Variants in RGL1 observed in about 807,000 individuals in gnomAD.
RGL1 encodes ral guanine nucleotide dissociation stimulator-like 1.
A neutral mutation model predicts 95.2 loss-of-function variants in RGL1; 24 were observed. That is an observed-to-expected ratio of 0.25 (90% CI 0.18 to 0.35). The LOEUF is 0.35. Among genes scored for constraint, RGL1 ranks in the 10% least tolerant of loss-of-function variants. The pLI, the probability that RGL1 is intolerant of heterozygous loss-of-function variation, is 1.00. For synonymous variants in RGL1, 329 were observed against 344.9 expected, an observed-to-expected ratio of 0.95 and a Z score of 0.51; for missense variants, 715 against 936.3, an observed-to-expected ratio of 0.76 and a Z score of 3.08.
chr1:183,737,944 A>G (rs982194459), intron 1 of RGL1, among the ~76,000 whole-genome samples: 11 of 152,326 alleles, frequency 7.2e-5, no homozygotes, highest in African/African-American at 2.6e-4. Flanking sequence ...AAATTCTTCA[A>G]AATTGATTTC....
At chr1:183,744,865 A>G (rs927268169) in intron 2 of RGL1, among the ~76,000 whole-genome samples, 7 of 152,218 alleles carry the variant, frequency 4.6e-5, no homozygotes, top group African/African-American at 1.4e-4. Flanking sequence ...CCTCGTGAAC[A>G]TATGCTAGAG....
chr1:183,712,395 G>A lies in RGL1; in HGVS notation c.-32-29731G>A, dbSNP rs1412588850. ...TTGTAAGCGATTCATTTTTAGTTCA[G>A]CTGCAATAACTCCTGCTGGTGATTT... is the stretch of plus-strand genomic sequence containing the variant. On this transcript the variant is annotated intron_variant, in intron 1 of 18. Transcript: ENST00000304685. Among the ~76,000 whole-genome samples, 4 of 152,328 alleles carry A rather than the reference G, an allele frequency of 2.6e-5. No individual in the cohort carries two copies. In the East Asian group the frequency reaches 7.7e-4, roughly 29 times the overall value.
At chr1:183,776,468 G>A (rs527814279) in intron 2 of RGL1, among the ~76,000 whole-genome samples, 1 of 151,742 alleles carries the variant, frequency 6.6e-6, no homozygotes, top group African/African-American at 2.4e-5. Context: ...TTTAAAACAT[G>A]TGATCAGAGC....
chr1:183,838,975 T>G (rs1663850795), intron 2 of RGL1, among the ~76,000 whole-genome samples: 1 of 152,164 alleles, frequency 6.6e-6, no homozygotes, highest in Non-Finnish European at 1.5e-5. Flanking sequence ...CCTTGATATG[T>G]TTGTATAATT....
intron 2 of RGL1, among the ~76,000 whole-genome samples, chr1:183,759,812 C>T (rs1197440688): frequency 6.6e-6 from 1 of 152,178 alleles, no homozygotes; most frequent in Non-Finnish European, 1.5e-5. Flanking sequence ...AAGGTGGATA[C>T]TGAGGATATT....
intron 17 of RGL1, among the ~76,000 whole-genome samples, chr1:183,924,098 C>T (rs1053997341): frequency 1.9e-4 from 29 of 152,078 alleles, no homozygotes; most frequent in Non-Finnish European, 4.4e-5. Flanking sequence ...GCCATTTGAC[C>T]CAGCAATCCC....
rs1338563453 is a variant in RGL1, at chr1:183,900,256, T to C, written c.1317+20T>C. 6.3e-7 allele frequency: 1 copy of C among 1,599,342 alleles called. No homozygotes were observed. Among genetic ancestry groups the C allele is most frequent in the Admixed American group, 1.7e-5 (1 of 59,976 alleles). On this transcript the variant is annotated intron_variant, in intron 11 of 17. Coordinates refer to ENST00000360851, the MANE Select transcript of RGL1 (RefSeq NM_001297671.3). The stretch of plus-strand genomic sequence containing the variant: ...ATCGAGGTGAGTTCCATGTGGGTGG[T>C]GTGATCGGGCCTGCAGCCTTCCCAC...
intron 1 of RGL1, among the ~76,000 whole-genome samples, chr1:183,739,689 A>C (rs1048136021): frequency 1.6e-4 from 24 of 152,230 alleles, no homozygotes; most frequent in African/African-American, 5.5e-4. Flanking sequence ...GAATGCTTGA[A>C]GAGCCTTGTA....
At chr1:183,768,471 T>TC (rs1286873645) in intron 2 of RGL1, among the ~76,000 whole-genome samples, 2 of 144,112 alleles carry the variant, frequency 1.4e-5, no homozygotes, top group Admixed American at 7.0e-5. Flanking sequence ...CTTTTTTTTT[T>TC]TTTTTTTTTT....
intron 2 of RGL1, among the ~76,000 whole-genome samples, chr1:183,828,419 C>T (rs1466309370): frequency 6.6e-6 from 1 of 152,118 alleles, no homozygotes; most frequent in Non-Finnish European, 1.5e-5. Flanking sequence ...GTCTTAACTA[C>T]TTGGCATGTG....
chr1:183,867,055 C>T (rs1038798129), intron 4 of RGL1, among the ~76,000 whole-genome samples: 1 of 152,044 alleles, frequency 6.6e-6, no homozygotes, highest in Non-Finnish European at 1.5e-5. Flanking sequence ...TAAGGAAGAT[C>T]GAGGGAGCAG....
chr1:183,724,925 G>A lies in RGL1; in HGVS notation c.-32-17201G>A, dbSNP rs559443869. ...ACAGTCCCAGTGGTAGTGGCCACAGGGGTGGTTGTGTCATCTCTCCCCCAG... is the reference window on the plus strand; with the variant it reads ...ACAGTCCCAGTGGTAGTGGCCACAGAGGTGGTTGTGTCATCTCTCCCCCAG... On this transcript the variant is annotated intron_variant, in intron 1 of 18. Coordinates refer to the RGL1 transcript ENST00000304685. This position sits in a 1 kb window ranked among gnomAD's most constrained non-coding sequence, Gnocchi z 4.1. 2.8e-4 allele frequency among the ~76,000 whole-genome samples: 42 copies of A among 151,820 alleles called. No homozygotes were observed. The highest frequency in any genetic ancestry group is 9.9e-4 in the African/African-American group (41 of 41,416).
rs370220429 is a variant in RGL1 at position 183,880,811 on chromosome 1, G to A, written c.610+11G>A. 9.9e-6 allele frequency: 16 copies of A among 1,611,868 alleles called. No homozygotes were observed. Among genetic ancestry groups the A allele is most frequent in the African/African-American group, 5.3e-5 (4 of 74,848 alleles). On this transcript the variant is annotated intron_variant, in intron 5 of 17. Coordinates refer to ENST00000360851, the MANE Select transcript of RGL1 (RefSeq NM_001297671.3). ...AAGTGGAAACTGACAGTGAGTACTT[G>A]TTTGTTCCCAGGGAAAAGGCTAGAT... is the stretch of plus-strand genomic sequence containing the variant.
At chr1:183,683,478 T>C (rs897903160) in intron 1 of RGL1, among the ~76,000 whole-genome samples, 1 of 152,248 alleles carries the variant, frequency 6.6e-6, no homozygotes, top group African/African-American at 2.4e-5. Flanking sequence ...TCTTTAAGAA[T>C]GTTGAATATT....
intron 16 of RGL1, among the ~76,000 whole-genome samples, chr1:183,917,535 C>T (rs1669051854): frequency 6.6e-6 from 1 of 152,226 alleles, no homozygotes; most frequent in Non-Finnish European, 1.5e-5. Context: ...TCAGTGCTTA[C>T]AAGCTCAGGT....
At chr1:183,664,151 C>T (rs1334174319) in intron 1 of RGL1, among the ~76,000 whole-genome samples, 1 of 151,774 alleles carries the variant, frequency 6.6e-6, no homozygotes, top group Non-Finnish European at 1.5e-5. Context: ...CAGCATGACA[C>T]ATGTATACAT....
chr1:183,910,474 A>T (rs146082954), intron 14 of RGL1, among the ~76,000 whole-genome samples: 63 of 152,310 alleles, frequency 4.1e-4, no homozygotes, highest in African/African-American at 1.5e-3. Context: ...TATTCAGGAC[A>T]TGGCTCTTGG....
At chr1:183,784,206 G>A (rs927949864) in intron 2 of RGL1, among the ~76,000 whole-genome samples, 2 of 152,230 alleles carry the variant, frequency 1.3e-5, no homozygotes, top group African/African-American at 4.8e-5. Context: ...GAGATGTGCA[G>A]AAGAATATGG....
chr1:183,825,427 G>T (rs1375336281), intron 2 of RGL1, among the ~76,000 whole-genome samples: 1 of 152,162 alleles, frequency 6.6e-6, no homozygotes, highest in Non-Finnish European at 1.5e-5. Context: ...CATAGCTAGG[G>T]AGGTAGCAGC....
Sources: allele counts gnomAD v4.1 joint callset (sites outside exome capture counted in the v4.1 genomes callset), GRCh38; gene constraint gnomAD v4.1.1; non-coding constraint Gnocchi (gnomAD v3.1); transcripts MANE v1.5; gene names NCBI Gene and HGNC (gene_info 2026-07-23, HGNC 2026-07-21).